CDK17: variants seen among roughly 807,000 people sequenced by gnomAD.
CDK17 encodes cyclin dependent kinase 17.
CDK17 carries 24 observed loss-of-function variants against 77.6 expected under a neutral mutation model. The ratio of observed to expected loss-of-function variants is 0.31; its 90% CI spans 0.22 to 0.44. CDK17 has a LOEUF of 0.44. Among genes scored for constraint, CDK17 ranks in the 20% least tolerant of loss-of-function variants. The pLI, the probability that CDK17 is intolerant of heterozygous loss-of-function variation, is 1.00. For missense variants in CDK17, 429 were observed against 622.5 expected (o/e 0.69, Z 3.31); for synonymous variants, 203 against 210.4 (o/e 0.96, Z 0.30).
chr12:96,329,495 AG>A (rs1435249484), intron 2 of CDK17, among the ~76,000 whole-genome samples: 2 of 152,194 alleles, frequency 1.3e-5, no homozygotes, highest in African/African-American at 4.8e-5. Flanking sequence ...AACTATGATC[AG>A]GAACATGCAA....
chr12:96,292,567 T>A (rs1212649062), intron 10 of CDK17, among the ~76,000 whole-genome samples: 1 of 152,068 alleles, frequency 6.6e-6, no homozygotes, highest in Non-Finnish European at 1.5e-5. Flanking sequence ...ATTGCACCAC[T>A]AGACTTCAGC....
At chr12:96,376,298 C>T (rs898916944) in intron 1 of CDK17, among the ~76,000 whole-genome samples, 1 of 152,186 alleles carries the variant, frequency 6.6e-6, no homozygotes, top group African/African-American at 2.4e-5. Flanking sequence ...AAACTCTTAC[C>T]TTGGTATGTC....
intron 1 of CDK17, among the ~76,000 whole-genome samples, chr12:96,365,685 GTTTGACAAATTA>G (rs1330403078): frequency 2.6e-5 from 4 of 152,170 alleles, no homozygotes; most frequent in Non-Finnish European, 5.9e-5. Flanking sequence ...ACCAAAATGT[GTTTGACAAATTA>G]TTTCCTAATG....
At chr12:96,385,176 G>A (rs1347325995) in intron 1 of CDK17, among the ~76,000 whole-genome samples, 2 of 152,090 alleles carry the variant, frequency 1.3e-5, no homozygotes, top group Non-Finnish European at 2.9e-5. Context: ...GCCAGGCGTG[G>A]TGGTGGGCAC....
chr12:96,300,911 T>TA (rs1431509054), intron 5 of CDK17, among the ~76,000 whole-genome samples: 4 of 143,326 alleles, frequency 2.8e-5, no homozygotes, highest in African/African-American at 1.0e-4. Flanking sequence ...TATACACAGT[T>TA]AACATTCTGT....
intron 1 of CDK17, chr12:96,387,297 T>C (rs144600429): frequency 0.01 from 1,754 of 171,710 alleles, 52 homozygotes; most frequent in Admixed American, 0.065. Flanking sequence ...ATTTAATGTA[T>C]GAGTGGTTCC....
At chr12:96,316,428 G>GGA (rs1952719971) in intron 3 of CDK17, among the ~76,000 whole-genome samples, 4 of 145,202 alleles carry the variant, frequency 2.8e-5, no homozygotes, top group Non-Finnish European at 6.1e-5. Context: ...AAGCAGCCAC[G>GGA]AAGCTCGAAC....
At chr12:96,397,102 C>T (rs765188437) in intron 1 of CDK17, among the ~76,000 whole-genome samples, 5 of 151,900 alleles carry the variant, frequency 3.3e-5, no homozygotes, top group Non-Finnish European at 7.4e-5. Flanking sequence ...GAAAATATTG[C>T]TGAAAATAAG....
intron 1 of CDK17, among the ~76,000 whole-genome samples, chr12:96,353,123 C>T (rs756501406): frequency 3.9e-5 from 6 of 152,132 alleles, no homozygotes; most frequent in Non-Finnish European, 8.8e-5. Context: ...CATGTAATAT[C>T]AATGACACTT....
chr12:96,370,396 ATAG>A (rs1179745593), intron 1 of CDK17, among the ~76,000 whole-genome samples: 3 of 152,252 alleles, frequency 2.0e-5, no homozygotes, highest in African/African-American at 4.8e-5. Context: ...CCAACTATTT[ATAG>A]TAGAAGTTAC....
At chr12:96,297,863 T>G in intron 7 of CDK17, 142 bp from the exon 8 acceptor site, 1 of 485,672 alleles carries the variant, frequency 2.1e-6, no homozygotes, top group Non-Finnish European at 3.7e-6. Flanking sequence ...CCAGCACTTT[T>G]GAGAGACCGA....
intron 4 of CDK17, among the ~76,000 whole-genome samples, chr12:96,312,235 C>G (rs1397160337): frequency 6.6e-6 from 1 of 152,086 alleles, no homozygotes; most frequent in African/African-American, 2.4e-5. Context: ...TGAGATCCCA[C>G]CACTGTACTC....
At chr12:96,307,331 A>G (rs768357008) in intron 5 of CDK17, among the ~76,000 whole-genome samples, 4 of 152,116 alleles carry the variant, frequency 2.6e-5, no homozygotes, top group South Asian at 2.1e-4. Flanking sequence ...GGAACACTTA[A>G]CCATAAATAA....
At chr12:96,305,967 C>T (rs1488228552) in intron 5 of CDK17, among the ~76,000 whole-genome samples, 1 of 152,176 alleles carries the variant, frequency 6.6e-6, no homozygotes, top group African/African-American at 2.4e-5. Flanking sequence ...AGCAAACCTC[C>T]TGCCTCAGCC....
chr12:96,353,379 T>C (rs994020443), intron 1 of CDK17, among the ~76,000 whole-genome samples: 11 of 152,200 alleles, frequency 7.2e-5, no homozygotes, highest in Non-Finnish European at 1.5e-4. Flanking sequence ...TCTTATGCTT[T>C]GGGTTTCATC....
intron 1 of CDK17, among the ~76,000 whole-genome samples, chr12:96,377,388 C>A (rs1185657711): frequency 6.6e-6 from 1 of 151,946 alleles, no homozygotes; most frequent in East Asian, 1.9e-4. Context: ...GCTAATCTCC[C>A]AACAGAAAAT....
At chr12:96,295,168 CT>C in intron 9 of CDK17, 46 bp from the exon 10 acceptor site, 2 of 1,481,092 alleles carry the variant, frequency 1.4e-6, no homozygotes, top group Non-Finnish European at 1.8e-6. Context: ...ATGAGACATG[CT>C]TTAGTATAAG....
intron 11 of CDK17, among the ~76,000 whole-genome samples, chr12:96,287,633 A>G (rs1952264042): frequency 6.6e-6 from 1 of 152,162 alleles, no homozygotes; most frequent in Admixed American, 6.5e-5. Flanking sequence ...CCTGGACAAC[A>G]TGGTGAGACA....
chr12:96,379,599 A>C (rs1953843397), intron 1 of CDK17, among the ~76,000 whole-genome samples: 1 of 151,880 alleles, frequency 6.6e-6, no homozygotes, highest in Non-Finnish European at 1.5e-5. Context: ...CTAATTTCTT[A>C]AACATTTTTT....
Sources: gnomAD v4.1 joint callset for allele counts (sites outside exome capture counted in the v4.1 genomes callset) on GRCh38, gnomAD v4.1.1 for gene constraint, MANE v1.5 for transcripts, NCBI Gene and HGNC (gene_info 2026-07-23, HGNC 2026-07-21) for gene names.